The following ABCC5 variants were observed in gnomAD, a reference collection of about 807,000 sequenced individuals.
ABCC5 encodes ATP binding cassette subfamily C member 5.
In ABCC5, 61 loss-of-function variants were observed where a neutral mutation model predicts 160.9. The observed-to-expected ratio is 0.38, with a 90% CI of 0.31 to 0.47. ABCC5 has a LOEUF of 0.47. Ranked by LOEUF, ABCC5 falls within the 20% of genes least tolerant of loss-of-function variation. ABCC5 has a pLI of 0.99. For synonymous variants in ABCC5, 666 were observed against 700.6 expected (o/e 0.95, Z 0.78); for missense variants, 1,308 against 1,813.3 (o/e 0.72, Z 5.06).
intron 5 of ABCC5, chr3:183,983,348 T>C (rs1309024037): frequency 6.6e-6 from 2 of 304,410 alleles, no homozygotes; most frequent in Admixed American, 9.0e-5. Context: ...TCTCCACACA[T>C]GGATACATTT....
chr3:184,014,189 A>T, intron 2 of ABCC5, 75 bp downstream of exon 2: 2 of 1,445,586 alleles, frequency 1.4e-6, no homozygotes, highest in Non-Finnish European at 1.9e-6. Flanking sequence ...TAAGTTTCTA[A>T]ATTACCCATT....
chr3:183,954,227 A>G (rs1435466901), intron 17 of ABCC5, among the ~76,000 whole-genome samples: 2 of 152,046 alleles, frequency 1.3e-5, no homozygotes, highest in African/African-American at 4.8e-5. Flanking sequence ...AGCTCACTGC[A>G]ACCTCCGCCT....
intron 2 of ABCC5, among the ~76,000 whole-genome samples, chr3:184,001,889 C>G (rs545390215): frequency 6.6e-6 from 1 of 152,142 alleles, no homozygotes; most frequent in Non-Finnish European, 1.5e-5. Context: ...GGCCAGACGA[C>G]CCAGCCACAC....
intron 25 of ABCC5, among the ~76,000 whole-genome samples, chr3:183,939,018 C>G (rs6790814): frequency 0.13 from 20,025 of 152,224 alleles, 1,490 homozygotes; most frequent in East Asian, 0.35. Context: ...ATAAGTAATA[C>G]GAGATGACAT....
At chr3:184,012,125 T>G (rs1159692973) in intron 2 of ABCC5, among the ~76,000 whole-genome samples, 2 of 152,144 alleles carry the variant, frequency 1.3e-5, no homozygotes, top group Non-Finnish European at 2.9e-5. Context: ...GTTGTGATAC[T>G]GGACTATAGT....
chr3:183,985,409 TA>T (rs767177511), intron 5 of ABCC5: 1 of 1,583,774 alleles, frequency 6.3e-7, no homozygotes. Context: ...CTGGTTCCAC[TA>T]CAGAGAGACT....
intron 2 of ABCC5, among the ~76,000 whole-genome samples, chr3:184,002,920 G>T (rs184620011): frequency 6.6e-6 from 1 of 152,258 alleles, no homozygotes; most frequent in Admixed American, 6.5e-5. Context: ...GGGGTTAAAG[G>T]CTGCCTGCTC....
chr3:184,012,530 C>T (rs1218006822), intron 2 of ABCC5, among the ~76,000 whole-genome samples: 1 of 152,196 alleles, frequency 6.6e-6, no homozygotes, highest in Non-Finnish European at 1.5e-5. Context: ...TCCAAAGTCC[C>T]AATATGTCAC....
intron 11 of ABCC5, among the ~76,000 whole-genome samples, chr3:183,968,105 T>G (rs6800217): frequency 6.6e-6 from 1 of 151,876 alleles, no homozygotes; most frequent in Non-Finnish European, 1.5e-5. Context: ...GAAGACAGGG[T>G]AGGGCTTTTA....
chr3:183,944,919 G>A (rs576236921), intron 24 of ABCC5, among the ~76,000 whole-genome samples: 1 of 152,292 alleles, frequency 6.6e-6, no homozygotes, highest in Admixed American at 6.5e-5. Context: ...GAGGGGAGAG[G>A]CCTGGTGGCA....
intron 2 of ABCC5, among the ~76,000 whole-genome samples, chr3:184,013,551 G>A (rs1721934529): frequency 6.6e-6 from 1 of 152,086 alleles, no homozygotes; most frequent in Non-Finnish European, 1.5e-5. Context: ...ACTGTGCCTG[G>A]CCAGGTTCAC....
rs35912087 is a variant in ABCC5, at chr3:183,959,847, T to TA, written c.2380-13dup. 1.6e-3 allele frequency: 2,305 copies of TA among 1,450,884 alleles called. 1 individual carries two copies. Among genetic ancestry groups the TA allele is most frequent in the Non-Finnish European group, 1.7e-3 (1,852 of 1,067,638 alleles). 89.9% of individuals were successfully genotyped at this position (1,450,884 alleles called of 1,614,324 possible). On this transcript the variant is annotated splice_polypyrimidine_tract_variant and intron_variant, in intron 16 of 29. Transcript: ENST00000334444. ...TTTTTTGAATTGATCTAATAATATT[T>TA]AAAAAAAAAAGTCTCCAGTCATGTT... is the stretch of plus-strand genomic sequence containing the variant.
At position 183,977,559 on chromosome 3, in the gene ABCC5, T is replaced by C; in HGVS notation, c.1362A>G (p.Val454=). The part of the protein sequence containing the change: ...TFALKVTPFS[V]KSLSEASVAV... ...CCACTGAGGCTTCTGAGAGGGACTTTACTGAAAACGGTGTTACTTTCAAAG... is the reference window on the plus strand; with the variant it reads ...CCACTGAGGCTTCTGAGAGGGACTTCACTGAAAACGGTGTTACTTTCAAAG... The change falls in exon 10 of 30, where the codon GTA becomes GTG. Residue 454 remains valine (V), a synonymous_variant. Transcript: ENST00000334444. 3 of 1,614,128 alleles carry C rather than the reference T, an allele frequency of 1.9e-6. 1 individual carries two copies. Among genetic ancestry groups the C allele is most frequent in the South Asian group, 2.2e-5 (2 of 91,082 alleles).
intron 17 of ABCC5, among the ~76,000 whole-genome samples, chr3:183,958,379 G>A (rs1273826985): frequency 6.6e-6 from 1 of 152,214 alleles, no homozygotes; most frequent in African/African-American, 2.4e-5. Context: ...CACTTTAAGA[G>A]TTGTGAGTAG....
At chr3:183,952,648 C>A (rs900361873) in intron 18 of ABCC5, among the ~76,000 whole-genome samples, 1 of 152,274 alleles carries the variant, frequency 6.6e-6, no homozygotes. Flanking sequence ...CATGTCCTCC[C>A]GCACACGCTG....
chr3:184,005,925 G>A (rs867916348), intron 2 of ABCC5, among the ~76,000 whole-genome samples: 5 of 144,426 alleles, frequency 3.5e-5, no homozygotes, highest in Non-Finnish European at 7.6e-5. Context: ...AAAAAAAACA[G>A]GAAGCTAATT....
At chr3:184,003,899 G>C (rs1282199666) in intron 2 of ABCC5, among the ~76,000 whole-genome samples, 1 of 152,132 alleles carries the variant, frequency 6.6e-6, no homozygotes, top group Non-Finnish European at 1.5e-5. Flanking sequence ...GGGGTAAAAC[G>C]GGATTTACAG....
intron 5 of ABCC5, chr3:183,985,800 G>A (rs1238708552): frequency 1.4e-5 from 3 of 221,334 alleles, no homozygotes; most frequent in Admixed American, 5.1e-5. Flanking sequence ...CCCCACCGGC[G>A]TCACCAAAAC....
At chr3:184,014,525 G>GC in intron 1 of ABCC5, 78 bp from the exon 2 acceptor site, 2 of 665,448 alleles carry the variant, frequency 3.0e-6, no homozygotes. Flanking sequence ...CTTAAAAATA[G>GC]GAAAAAAAAA....
Sources: gnomAD v4.1 joint callset for allele counts (sites outside exome capture counted in the v4.1 genomes callset) on GRCh38, gnomAD v4.1.1 for gene constraint, MANE v1.5 for transcripts, NCBI Gene and HGNC (gene_info 2026-07-23, HGNC 2026-07-21) for gene names.